Variants in CNTN4 observed in about 807,000 individuals in gnomAD.
The protein encoded by CNTN4 is contactin-4.
In CNTN4, 77 loss-of-function variants were observed where a neutral mutation model predicts 122.5. The observed-to-expected ratio is 0.63, with a 90% CI of 0.52 to 0.76. The LOEUF (loss-of-function observed/expected upper bound fraction) is 0.76, where lower values mean the gene tolerates loss of function less well. CNTN4 is among the 30% of genes least tolerant of loss of function. The pLI is 0.00. For missense variants in CNTN4, 1,256 were observed against 1,259.1 expected, an observed-to-expected ratio of 1.00 and a Z score of 0.04; for synonymous variants, 512 against 447.0, an observed-to-expected ratio of 1.15 and a Z score of -1.83.
At chr3:2,953,817 A>G (rs1391731565) in intron 13 of CNTN4, among the ~76,000 whole-genome samples, 1 of 152,166 alleles carries the variant, frequency 6.6e-6, no homozygotes, top group East Asian at 1.9e-4. Context: ...TGTTCTCTGA[A>G]TCACCTAGAG....
chr3:2,988,221 A>G, intron 13 of CNTN4, 124 bp from the exon 14 acceptor site: 1 of 903,256 alleles, frequency 1.1e-6, no homozygotes, highest in East Asian at 2.5e-5. Flanking sequence ...TGAGGCTGTC[A>G]TCTTTACTAC....
chr3:2,413,906 T>C (rs2047318130), intron 3 of CNTN4, among the ~76,000 whole-genome samples: 3 of 152,314 alleles, frequency 2.0e-5, no homozygotes, highest in African/African-American at 7.2e-5. Context: ...GCTGTAAGTG[T>C]GGATTCTTTC....
rs533629125 is a variant in CNTN4, at chr3:3,011,470, CCTTGA to C, written c.1487-14626_1487-14622del. Among the ~76,000 whole-genome samples, 210 of 152,250 alleles carry C rather than the reference CCTTGA, an allele frequency of 1.4e-3. 2 individuals carry two copies. Among genetic ancestry groups the C allele is most frequent in the African/African-American group, 3.6e-3 (151 of 41,568 alleles). On this transcript the variant is annotated intron_variant, in intron 14 of 24. Coordinates refer to ENST00000418658, the MANE Select transcript of CNTN4 (RefSeq NM_175607.3). ...TGTGGATACAACAAGCATGATAATCCCTTGACTTGATGTCATTCTAGGGATCGTTT... is the reference window on the plus strand; with the variant it reads ...TGTGGATACAACAAGCATGATAATCCCTTGATGTCATTCTAGGGATCGTTT...
intron 4 of CNTN4, among the ~76,000 whole-genome samples, chr3:2,731,876 G>A (rs2088711950): frequency 6.6e-6 from 1 of 152,200 alleles, no homozygotes; most frequent in Non-Finnish European, 1.5e-5. Flanking sequence ...TGATCTCTAA[G>A]GATGCCTGCT....
At chr3:2,333,182 C>G (rs985892088) in intron 2 of CNTN4, among the ~76,000 whole-genome samples, 1 of 152,212 alleles carries the variant, frequency 6.6e-6, no homozygotes, top group Non-Finnish European at 1.5e-5. Flanking sequence ...AATCCCCTCC[C>G]TGTCTTAGAT....
chr3:2,387,494 T>C (rs35689887), intron 3 of CNTN4, among the ~76,000 whole-genome samples: 25,076 of 152,168 alleles, frequency 0.16, 2,543 homozygotes, highest in Middle Eastern at 0.26. Context: ...ATGGCATCCT[T>C]CTTCATTTAT....
intron 23 of CNTN4, among the ~76,000 whole-genome samples, chr3:3,048,445 G>A (rs1700901088): frequency 6.6e-6 from 1 of 152,056 alleles, no homozygotes. Context: ...GTATTTTAGG[G>A]AGGTCCTGAA....
intron 2 of CNTN4, among the ~76,000 whole-genome samples, chr3:2,282,298 G>T (rs562674340): frequency 6.6e-6 from 1 of 152,080 alleles, no homozygotes; most frequent in Non-Finnish European, 1.5e-5. Flanking sequence ...TTGATTGGTC[G>T]TAGTTCCATT....
intron 3 of CNTN4, among the ~76,000 whole-genome samples, chr3:2,388,660 T>C (rs1396488155): frequency 6.6e-6 from 1 of 151,322 alleles, no homozygotes; most frequent in East Asian, 2.0e-4. Flanking sequence ...ACCGGGCCAA[T>C]GTGACAAAAC....
At chr3:2,726,438 G>T (rs1046476212) in intron 4 of CNTN4, among the ~76,000 whole-genome samples, 3 of 152,192 alleles carry the variant, frequency 2.0e-5, no homozygotes, top group Admixed American at 2.0e-4. Context: ...TGAGTTGAAA[G>T]AGTAGGAGGG....
At chr3:2,341,012 C>T (rs2044190804) in intron 3 of CNTN4, among the ~76,000 whole-genome samples, 1 of 152,006 alleles carries the variant, frequency 6.6e-6, no homozygotes, top group Non-Finnish European at 1.5e-5. Flanking sequence ...CCCTCTCCTC[C>T]AGCAGGAACC....
chr3:2,157,969 A>T (rs73806347), intron 2 of CNTN4, among the ~76,000 whole-genome samples: 3,688 of 152,318 alleles, frequency 0.024, 136 homozygotes, highest in African/African-American at 0.084. Context: ...TAGGAAGGAC[A>T]ATTGCATTTG....
chr3:2,387,262 G>C (rs1014998980), intron 3 of CNTN4, among the ~76,000 whole-genome samples: 1 of 151,956 alleles, frequency 6.6e-6, no homozygotes, highest in East Asian at 1.9e-4. Flanking sequence ...GTAATGCAAG[G>C]GTTCTTTACA....
chr3:2,881,824 C>G (rs1014896475), intron 8 of CNTN4, among the ~76,000 whole-genome samples: 2 of 151,920 alleles, frequency 1.3e-5, no homozygotes, highest in African/African-American at 2.4e-5. Flanking sequence ...GCACCTGTCC[C>G]CCATCCATTT....
At chr3:2,923,348 G>A (rs1484973384) in intron 12 of CNTN4, among the ~76,000 whole-genome samples, 2 of 151,286 alleles carry the variant, frequency 1.3e-5, no homozygotes, top group Admixed American at 1.3e-4. Flanking sequence ...TGTCAGTTCA[G>A]GGGTTTGCAT....
chr3:2,439,813 A>G (rs2048372309), intron 3 of CNTN4, among the ~76,000 whole-genome samples: 1 of 152,306 alleles, frequency 6.6e-6, no homozygotes, highest in African/African-American at 2.4e-5. Flanking sequence ...GTGATCCTCC[A>G]TTTCCAGTGC....
At chr3:2,165,926 C>G (rs992729062) in intron 2 of CNTN4, among the ~76,000 whole-genome samples, 2 of 151,960 alleles carry the variant, frequency 1.3e-5, no homozygotes, top group African/African-American at 4.8e-5. Flanking sequence ...ATATTATATG[C>G]TATATTTTAT....
intron 3 of CNTN4, among the ~76,000 whole-genome samples, chr3:2,452,448 G>A (rs1270529437): frequency 6.6e-6 from 1 of 152,100 alleles, no homozygotes; most frequent in Admixed American, 6.6e-5. Context: ...ATTCTATTTG[G>A]GAAGGGACTT....
chr3:2,516,185 A>G (rs1213142248), intron 3 of CNTN4, among the ~76,000 whole-genome samples: 2 of 152,000 alleles, frequency 1.3e-5, no homozygotes, highest in Admixed American at 6.6e-5. Context: ...GCATATATAT[A>G]TATATTTTTG....
Sources: gnomAD v4.1 joint callset for allele counts (sites outside exome capture counted in the v4.1 genomes callset) on GRCh38, gnomAD v4.1.1 for gene constraint, MANE v1.5 for transcripts, NCBI Gene and HGNC (gene_info 2026-07-23, HGNC 2026-07-21) for gene names.